The following CELF4 variants were observed in gnomAD, a reference collection of about 807,000 sequenced individuals.
CELF4 encodes CUG-BP- and ETR-3-like factor 4.
In CELF4, 18 loss-of-function variants were observed where a neutral mutation model predicts 59.9. The ratio of observed to expected loss-of-function variants is 0.30; its 90% confidence interval spans 0.21 to 0.45. The LOEUF (loss-of-function observed/expected upper bound fraction) is 0.45, where lower values mean the gene tolerates loss of function less well. Among genes scored for constraint, CELF4 ranks in the 20% least tolerant of loss-of-function variants. The probability of loss-of-function intolerance (pLI) is 1.00; values close to 1 mark genes in which losing one functional copy is unlikely to be tolerated. For synonymous variants in CELF4, 261 were observed against 267.1 expected (o/e 0.98, Z 0.22); for missense variants, 456 against 689.0 (o/e 0.66, Z 3.79).
intron 1 of CELF4, among the ~76,000 whole-genome samples, chr18:37,533,731 T>A (rs2099971272): frequency 6.6e-6 from 1 of 152,256 alleles, no homozygotes; most frequent in Non-Finnish European, 1.5e-5. Context: ...GAGGCCCACC[T>A]GTATATCATC....
intron 1 of CELF4, among the ~76,000 whole-genome samples, chr18:37,515,844 T>A (rs2099950091): frequency 6.6e-6 from 1 of 152,044 alleles, no homozygotes; most frequent in African/African-American, 2.4e-5. Flanking sequence ...ATTGGCCAGA[T>A]CCTGAAAGGC....
chr18:37,379,169 C>T (rs576042348), intron 2 of CELF4, among the ~76,000 whole-genome samples: 13 of 152,146 alleles, frequency 8.5e-5, no homozygotes, highest in Admixed American at 7.9e-4. Flanking sequence ...AGGCAGGCAC[C>T]TAGTGGGTGC....
At chr18:37,402,003 C>G (rs899140543) in intron 2 of CELF4, among the ~76,000 whole-genome samples, 1 of 152,214 alleles carries the variant, frequency 6.6e-6, no homozygotes, top group Non-Finnish European at 1.5e-5. Flanking sequence ...CCTTTAAAAC[C>G]TAACGTTGAG....
intron 2 of CELF4, among the ~76,000 whole-genome samples, chr18:37,478,237 A>G (rs1198338562): frequency 1.3e-5 from 2 of 152,160 alleles, no homozygotes; most frequent in East Asian, 1.9e-4. Flanking sequence ...CACAGTCTAG[A>G]TGGTGTGTCC....
At chr18:37,280,518 T>C (rs536554166) in intron 3 of CELF4, among the ~76,000 whole-genome samples, 1 of 152,286 alleles carries the variant, frequency 6.6e-6, no homozygotes, top group East Asian at 1.9e-4. Context: ...AAAGGCCTGA[T>C]AGATACATTC....
intron 9 of CELF4, 149 bp from the exon 10 acceptor site, chr18:37,264,906 T>C (rs2076657475): frequency 1.5e-6 from 1 of 647,598 alleles, no homozygotes; most frequent in Non-Finnish European, 2.7e-6. Context: ...CAGCTTTCAG[T>C]TCCCAGACTA....
intron 1 of CELF4, among the ~76,000 whole-genome samples, chr18:37,551,912 C>T (rs995905898): frequency 9.2e-5 from 14 of 152,204 alleles, no homozygotes; most frequent in African/African-American, 3.1e-4. Context: ...ATGAGAAATT[C>T]CTTTGTCCAC....
Position 37,273,961 on chromosome 18 carries a change from C to T in CELF4, c.801+350G>A, listed in dbSNP as rs958170228. On this transcript the variant is annotated intron_variant, in intron 6 of 12. Transcript: ENST00000420428. ...CCATGGAGTAGGGGTGGTTTGCAAC[C>T]AATGACCTGAACCTCACCCTCTCAT... 9 of 1,122,492 alleles carry T rather than the reference C, an allele frequency of 8.0e-6. No individual in the cohort carries two copies. The African/African-American group carries it at 1.5e-4, about 19-fold the overall frequency. The allele number at this position is 1,122,492 out of a possible 1,614,324, so 69.5% of individuals were successfully genotyped here.
intron 2 of CELF4, among the ~76,000 whole-genome samples, chr18:37,361,857 A>G: frequency 7.9e-6 from 1 of 125,840 alleles, no homozygotes; most frequent in South Asian, 3.2e-4. Context: ...GGGAGGCATT[A>G]GGGAGGGGGG....
intron 2 of CELF4, among the ~76,000 whole-genome samples, chr18:37,435,592 C>T (rs1272671386): frequency 6.6e-6 from 1 of 152,218 alleles, no homozygotes; most frequent in African/African-American, 2.4e-5. Context: ...TCAAGCTCTT[C>T]TCAGCTCAGG....
intron 2 of CELF4, among the ~76,000 whole-genome samples, chr18:37,374,452 C>T: frequency 6.6e-6 from 1 of 152,138 alleles, no homozygotes; most frequent in South Asian, 2.1e-4. Flanking sequence ...CCTGAGGAGC[C>T]CACTCCTCTC....
At position 37,428,677 on chromosome 18, in the gene CELF4, C is replaced by A. The variant is rs565168203; in HGVS notation, c.369+56848G>T. On this transcript the variant is annotated intron_variant, in intron 2 of 12. Transcript: ENST00000420428. ...TCTCAGTTATGTACCAACTTTAAAT[C>A]AGCACTCAGAGGAAGATTTACTGTC... Among the ~76,000 whole-genome samples the A allele has an allele frequency of 5.3e-5, 8 of 152,260 alleles. No individual in the cohort carries two copies. In the South Asian group the frequency reaches 1.7e-3, roughly 32 times the overall value.
intron 11 of CELF4, among the ~76,000 whole-genome samples, chr18:37,256,809 T>C (rs563395418): frequency 6.6e-6 from 1 of 152,288 alleles, no homozygotes; most frequent in South Asian, 2.1e-4. Flanking sequence ...GGTCTCGAAC[T>C]CCTGACCTCA....
intron 1 of CELF4, among the ~76,000 whole-genome samples, chr18:37,542,926 T>G (rs1480487625): frequency 6.6e-6 from 1 of 152,112 alleles, no homozygotes; most frequent in African/African-American, 2.4e-5. Context: ...CTAGATCCAG[T>G]GCTCTTTCTA....
intron 2 of CELF4, among the ~76,000 whole-genome samples, chr18:37,379,537 C>G (rs1003684385): frequency 9.0e-6 from 1 of 111,570 alleles, no homozygotes; most frequent in African/African-American, 3.7e-5. Context: ...AAAAAAGGTA[C>G]TATCCTTTGC....
chr18:37,328,346 AGG>A (rs1230726612), intron 2 of CELF4, among the ~76,000 whole-genome samples: 3 of 152,138 alleles, frequency 2.0e-5, no homozygotes, highest in Non-Finnish European at 4.4e-5. Flanking sequence ...AGCTGGGGAG[AGG>A]GAGGATAGGC....
At chr18:37,560,679 A>G (rs1260837370) in intron 1 of CELF4, among the ~76,000 whole-genome samples, 1 of 152,224 alleles carries the variant, frequency 6.6e-6, no homozygotes, top group Non-Finnish European at 1.5e-5. Flanking sequence ...ATTAAAAAAA[A>G]GTTCATCTTA....
chr18:37,415,440 G>A (rs185153550), intron 2 of CELF4, among the ~76,000 whole-genome samples: 18 of 152,326 alleles, frequency 1.2e-4, no homozygotes, highest in African/African-American at 4.3e-4. Flanking sequence ...ACTTAGCCCA[G>A]GATGGTTGAG....
At chr18:37,449,960 G>A (rs1017386106) in intron 2 of CELF4, among the ~76,000 whole-genome samples, 2 of 152,204 alleles carry the variant, frequency 1.3e-5, no homozygotes, top group East Asian at 3.9e-4. Context: ...TGAGAGCAGT[G>A]GGTGCTGAAG....
Sources: allele counts gnomAD v4.1 joint callset (sites outside exome capture counted in the v4.1 genomes callset), GRCh38; gene constraint gnomAD v4.1.1; transcripts MANE v1.5; gene names NCBI Gene and HGNC (gene_info 2026-07-23, HGNC 2026-07-21).